The following GLB1L2 variants were observed in gnomAD, a reference collection of about 807,000 sequenced individuals.
GLB1L2 encodes the protein galactosidase beta 1 like 2.
GLB1L2 carries 68 observed loss-of-function variants against 84.1 expected under a neutral mutation model. That is an observed-to-expected ratio of 0.81 (90% confidence interval 0.67 to 0.99). The LOEUF (loss-of-function observed/expected upper bound fraction) is 0.99. GLB1L2 is among the 50% of genes least tolerant of loss of function. GLB1L2 has a pLI of 0.00. For synonymous variants in GLB1L2, 290 were observed against 318.0 expected, an observed-to-expected ratio of 0.91 and a Z score of 0.94; for missense variants, 762 against 805.6, an observed-to-expected ratio of 0.95 and a Z score of 0.66.
At position 134,367,307 on chromosome 11, in the gene GLB1L2, G is replaced by A. The variant is rs7945169; in HGVS notation, c.855G>A (p.Ser285=). ...AGTACTGGACGGGGTGGTTTGACTC[G>A]TGGGGAGGCCCTCACAATATCTTGG... ...VMEYWTGWFD[S]WGGPHNILDS... Residue 285 remains serine (S), a synonymous_variant, in exon 9 of 19, where the codon TCG becomes TCA. Transcript: ENST00000535456. The A allele has an allele frequency of 4.5e-4, 734 of 1,614,150 alleles. No homozygotes were observed. In the African/African-American group the frequency reaches 8.0e-3, roughly 18 times the overall value.
Position 134,369,899 on chromosome 11 carries a change from A to G in GLB1L2, c.1108+14A>G, listed in dbSNP as rs768403316. On this transcript the variant is annotated intron_variant, in intron 11 of 18. Transcript: ENST00000535456. ...GCTCCATCTCAGGTACCCAGCAGAC[A>G]GCAGACTCAAGTTCCAACTCAGGCC... 2 of 1,610,360 alleles carry G rather than the reference A, an allele frequency of 1.2e-6. No homozygotes were observed. The highest frequency in any genetic ancestry group is 1.7e-5 in the Admixed American group (1 of 59,914).
At chr11:134,361,887 C>T (rs1355024341) in intron 7 of GLB1L2, among the ~76,000 whole-genome samples, 4 of 152,140 alleles carry the variant, frequency 2.6e-5, no homozygotes, top group Non-Finnish European at 4.4e-5. Context: ...CTCCGGCTCC[C>T]GAGCGTTTCC....
At chr11:134,362,754 G>A (rs537761967) in intron 7 of GLB1L2, among the ~76,000 whole-genome samples, 6 of 152,340 alleles carry the variant, frequency 3.9e-5, no homozygotes, top group African/African-American at 1.4e-4. Flanking sequence ...AGGCAGGATG[G>A]CCCCCGAGGA....
intron 8 of GLB1L2, among the ~76,000 whole-genome samples, chr11:134,365,705 A>C (rs1249612808): frequency 6.6e-6 from 1 of 152,184 alleles, no homozygotes; most frequent in African/African-American, 2.4e-5. Flanking sequence ...CTGCTAACAG[A>C]ATGGCCCTGC....
chr11:134,345,346 T>A (rs1352858946), intron 4 of GLB1L2, among the ~76,000 whole-genome samples: 1 of 152,222 alleles, frequency 6.6e-6, no homozygotes, highest in Admixed American at 6.5e-5. Flanking sequence ...GGGCTGCTTG[T>A]GTGACAGGCA....
chr11:134,364,519 C>G lies in GLB1L2; in HGVS notation c.804+121C>G, dbSNP rs1323993300. The G allele has an allele frequency of 9.2e-6, 7 of 763,734 alleles. No homozygotes were observed. The African/African-American group carries it at 1.0e-4, about 11-fold the overall frequency. The allele number at this position is 763,734 out of a possible 1,614,324, so 47.3% of individuals were successfully genotyped here. A position where few individuals can be genotyped will look rare whatever the true frequency, so the allele number is the denominator to read the frequency against. On this transcript the variant is annotated intron_variant, in intron 8 of 18. Transcript: ENST00000535456. ...GAGCTGGACTCAGGGCTGATGGCCT[C>G]TGGCCCCCCGCCCATGCCACTGTGT... is the stretch of plus-strand genomic sequence containing the variant.
At chr11:134,362,975 C>G (rs993612086) in intron 7 of GLB1L2, among the ~76,000 whole-genome samples, 2 of 152,218 alleles carry the variant, frequency 1.3e-5, no homozygotes, top group African/African-American at 4.8e-5. Flanking sequence ...TGTTGCTGTT[C>G]CTCATGGCCG....
intron 8 of GLB1L2, among the ~76,000 whole-genome samples, chr11:134,366,881 A>C (rs1943872716): frequency 6.6e-6 from 1 of 152,190 alleles, no homozygotes; most frequent in African/African-American, 2.4e-5. Flanking sequence ...CATCCACAGT[A>C]TCCCTCTCAG....
intron 5 of GLB1L2, chr11:134,355,991 C>G (rs1456150614): frequency 1.9e-6 from 1 of 522,100 alleles, no homozygotes; most frequent in Non-Finnish European, 3.7e-6. Context: ...CTTGTGAAAA[C>G]ATCATACAAT....
chr11:134,335,072 G>C (rs961418946), intron 1 of GLB1L2, among the ~76,000 whole-genome samples: 1 of 152,090 alleles, frequency 6.6e-6, no homozygotes, highest in Non-Finnish European at 1.5e-5. Flanking sequence ...GCTCCTAAGA[G>C]GTAAGTTCAT....
intron 5 of GLB1L2, among the ~76,000 whole-genome samples, chr11:134,349,122 C>G (rs544383228): frequency 3.5e-4 from 54 of 152,330 alleles, no homozygotes; most frequent in Non-Finnish European, 4.7e-4. Flanking sequence ...TCTTCCCTCT[C>G]TCAGCTCCTG....
chr11:134,336,043 G>A (rs1457338249), intron 1 of GLB1L2, among the ~76,000 whole-genome samples: 2 of 152,200 alleles, frequency 1.3e-5, no homozygotes, highest in African/African-American at 2.4e-5. Flanking sequence ...GAGTTCTCAT[G>A]TGTGGATGTC....
chr11:134,335,072 G>A (rs961418946), intron 1 of GLB1L2, among the ~76,000 whole-genome samples: 5 of 152,090 alleles, frequency 3.3e-5, no homozygotes, highest in African/African-American at 1.2e-4. Flanking sequence ...GCTCCTAAGA[G>A]GTAAGTTCAT....
At chr11:134,361,150 CA>C (rs11317610) in intron 7 of GLB1L2, 54,349 of 146,686 alleles carry the variant, frequency 0.37, 11,375 homozygotes, top group Admixed American at 0.48. Flanking sequence ...GACTCCGTCT[CA>C]AAAAAAAAAC....
chr11:134,373,756 C>T lies in GLB1L2; in HGVS notation c.1543C>T (p.Leu515=), dbSNP rs370051249. ...IGNLYLNDSP[L]KNFRIYSLDM... Reference sequence around the variant, plus strand: ...AAATCTCTATCTGAATGATTCACCCCTGAAAAACTTCAGAATCTATAGCCT... The same window carrying T: ...AAATCTCTATCTGAATGATTCACCCTTGAAAAACTTCAGAATCTATAGCCT... Residue 515 remains leucine, a synonymous_variant, in exon 16 of 19, where the codon CTG becomes TTG. Coordinates refer to ENST00000535456, the MANE Select transcript of GLB1L2 (RefSeq NM_001370461.1). 1.2e-6 allele frequency: 2 copies of T among 1,613,212 alleles called. No individual in the cohort carries two copies. Among genetic ancestry groups the T allele is most frequent in the African/African-American group, 1.3e-5 (1 of 74,930 alleles).
chr11:134,357,168 C>T (rs773215612), intron 6 of GLB1L2, among the ~76,000 whole-genome samples: 2 of 152,148 alleles, frequency 1.3e-5, no homozygotes, highest in Non-Finnish European at 2.9e-5. Context: ...TGTAAGTGGC[C>T]GCAGTGACTC....
Position 134,345,197 on chromosome 11 carries a change from T to TGAA in GLB1L2, c.449+68_449+69insGAA, listed in dbSNP as rs112285609. 1.8e-5 allele frequency: 23 copies of TGAA among 1,300,994 alleles called. 1 individual carries two copies. The highest frequency in any genetic ancestry group is 8.2e-5 in the South Asian group (4 of 49,020). 80.6% of individuals were successfully genotyped at this position (1,300,994 alleles called of 1,614,324 possible). On this transcript the variant is annotated intron_variant, in intron 4 of 18. Transcript: ENST00000535456. ...CTCACAGACATAGGTCTGGTTTGTT[T>TGAA]CTGTGTTCCAGTTCCCATTCTGTAC...
Position 134,374,194 on chromosome 11 carries a change from G to C in GLB1L2, c.1645G>C (p.Ala549Pro), listed in dbSNP as rs1056887565. 1.2e-6 allele frequency: 2 copies of C among 1,614,034 alleles called. No individual in the cohort carries two copies. The highest frequency in any genetic ancestry group is 2.7e-5 in the African/African-American group (2 of 74,926). Residue 549 changes from alanine (A) to proline (P), a missense_variant, in exon 17 of 19, where the codon GCT becomes CCT. This residue lies in a region of GLB1L2 where 603 missense variants were observed against 611.7 expected (regional missense o/e 0.99). Transcript: ENST00000535456. ...CCTCCCAGAAACACCCACATTACCTGCTTTCTTCTTGGGTAGCTTGTCCAT... is the reference window on the plus strand; with the variant it reads ...CCTCCCAGAAACACCCACATTACCTCCTTTCTTCTTGGGTAGCTTGTCCAT... ...SSLPETPTLP[A>P]FFLGSLSISS...
intron 1 of GLB1L2, among the ~76,000 whole-genome samples, chr11:134,333,312 C>T (rs1943332679): frequency 6.6e-6 from 1 of 152,178 alleles, no homozygotes. Context: ...TTCTGTCCTG[C>T]CTAAGATCTC....
Sources: gnomAD v4.1 joint callset for allele counts (sites outside exome capture counted in the v4.1 genomes callset) on GRCh38, gnomAD v4.1.1 for gene constraint, gnomAD v4.1.1 regional missense constraint, MANE v1.5 for transcripts, NCBI Gene and HGNC (gene_info 2026-07-23, HGNC 2026-07-21) for gene names.